The following LRP5 variants were observed in gnomAD, a reference collection of about 807,000 sequenced individuals.
LRP5 encodes the protein low-density lipoprotein receptor-related protein 5.
Under a neutral mutation model 154.1 loss-of-function variants are expected in LRP5, and 62 were observed. The observed-to-expected ratio is 0.40, with a 90% CI of 0.33 to 0.50. The LOEUF (loss-of-function observed/expected upper bound fraction) is 0.50. Among genes scored for constraint, LRP5 ranks in the 20% least tolerant of loss-of-function variants. The probability of loss-of-function intolerance (pLI) is 0.55; values close to 1 mark genes in which losing one functional copy is unlikely to be tolerated. For missense variants in LRP5, 1,915 were observed against 2,336.7 expected (o/e 0.82, Z 3.72); for synonymous variants, 966 against 1,011.5 (o/e 0.96, Z 0.85).
At chr11:68,329,953 A>G (rs560962736) in intron 1 of LRP5, among the ~76,000 whole-genome samples, 2 of 152,214 alleles carry the variant, frequency 1.3e-5, no homozygotes, top group African/African-American at 4.8e-5. Flanking sequence ...TGGCAGGTCA[A>G]ACTGGGACTC....
intron 8 of LRP5, among the ~76,000 whole-genome samples, chr11:68,405,780 A>G (rs1456523539): frequency 1.3e-5 from 2 of 152,260 alleles, no homozygotes; most frequent in Admixed American, 1.3e-4. Context: ...AACGGTCTGT[A>G]CTATGTGAAA....
chr11:68,378,521 ACC>A (rs2098638630), intron 5 of LRP5, among the ~76,000 whole-genome samples: 1 of 384 alleles, frequency 2.6e-3, no homozygotes, highest in African/African-American at 3.9e-3. Flanking sequence ...ATCCTGACCC[ACC>A]TCCCACCTCC....
intron 5 of LRP5, among the ~76,000 whole-genome samples, chr11:68,374,231 C>T (rs545669479): frequency 2.4e-4 from 36 of 152,322 alleles, no homozygotes; most frequent in African/African-American, 7.9e-4. Flanking sequence ...TCCGTCTGTC[C>T]GGGCGGATTA....
intron 12 of LRP5, among the ~76,000 whole-genome samples, chr11:68,415,035 G>A (rs1196022226): frequency 1.3e-5 from 2 of 152,226 alleles, no homozygotes; most frequent in East Asian, 1.9e-4. Flanking sequence ...CTGGTGCAAC[G>A]ACTTGGATTT....
At position 68,389,962 on chromosome 11, in the gene LRP5, C is replaced by G. The variant is rs774790391; in HGVS notation, c.1494C>G (p.Val498=). The G allele has an allele frequency of 1.9e-6, 3 of 1,614,150 alleles. No individual in the cohort carries two copies. In the East Asian group the frequency reaches 6.7e-5, roughly 36 times the overall value. The change falls in exon 7 of 23, where the codon GTC becomes GTG. Residue 498 remains valine, a synonymous_variant. Coordinates refer to ENST00000294304, the MANE Select transcript of LRP5 (RefSeq NM_002335.4). ...NLDGQERRVL[V]NASLGWPNGL... is the part of the protein sequence containing the mutation. ...ATGGGCAGGAGCGGCGTGTGCTGGT[C>G]AATGCCTCCCTCGGGTGGCCCAACG...
chr11:68,441,183 A>G (rs1419470816), intron 21 of LRP5, among the ~76,000 whole-genome samples: 4 of 152,124 alleles, frequency 2.6e-5, no homozygotes, highest in South Asian at 2.1e-4. Context: ...GGCTCAAGCA[A>G]TCCTCCCATC....
chr11:68,433,307 A>T (rs973311783), intron 17 of LRP5, among the ~76,000 whole-genome samples: 4 of 152,218 alleles, frequency 2.6e-5, no homozygotes, highest in African/African-American at 9.6e-5. Context: ...CCTGCTGCTT[A>T]AAGCTCTGAT....
chr11:68,424,265 T>G (rs1482099153), intron 14 of LRP5, among the ~76,000 whole-genome samples: 4 of 151,816 alleles, frequency 2.6e-5, no homozygotes, highest in African/African-American at 9.7e-5. Flanking sequence ...CTTCCTCAGA[T>G]AGCTGGGGGG....
intron 8 of LRP5, among the ~76,000 whole-genome samples, chr11:68,405,538 T>C (rs536549648): frequency 2.6e-5 from 4 of 151,568 alleles, no homozygotes; most frequent in Non-Finnish European, 4.4e-5. Flanking sequence ...GAGTGATTGT[T>C]CAAAGAACAA....
rs771134762 is a variant in LRP5, at chr11:68,413,801, C to G, written c.2616C>G (p.Asp872Glu). 21 of 1,613,626 alleles carry G rather than the reference C, an allele frequency of 1.3e-5. No individual in the cohort carries two copies. In the South Asian group the frequency reaches 2.1e-4, roughly 16 times the overall value. The change falls in exon 12 of 23, where the codon GAC (aspartate) becomes GAG (glutamate). Residue 872 changes from aspartate (D) to glutamate (E), a missense_variant. Asp to Glu is a conservative substitution (Grantham distance 45). This residue lies in a region of LRP5 where 1,094 missense variants were observed against 1,210.1 expected (regional missense o/e 0.90). Transcript: ENST00000294304. The surrounding 1 kb of genome is among the most constrained non-coding windows in gnomAD (Gnocchi z 5.1). ...ATCTGCACAGCATTGAGCGGGCCGA[C>G]AAGACTAGCGGCCGGAACCGCACCC... ...DWNLHSIERADKTSGRNRTLI... is the reference protein window; with the variant it reads ...DWNLHSIERAEKTSGRNRTLI...
chr11:68,443,562 TATATATATATATATATA>T (rs1451089669), intron 21 of LRP5, among the ~76,000 whole-genome samples: 7 of 34,426 alleles, frequency 2.0e-4, no homozygotes, highest in African/African-American at 5.7e-4. Context: ...TATATATATA[TATATATATATATATATA>T]TATATATTTT....
chr11:68,421,686 C>G (rs941785012), intron 13 of LRP5, among the ~76,000 whole-genome samples: 1 of 133,330 alleles, frequency 7.5e-6, no homozygotes, highest in African/African-American at 2.8e-5. Flanking sequence ...CCCAGCAAGG[C>G]TGTGTGTGTG....
At chr11:68,432,137 G>A (rs2098672294) in intron 17 of LRP5, among the ~76,000 whole-genome samples, 1 of 152,198 alleles carries the variant, frequency 6.6e-6, no homozygotes, top group Admixed American at 6.5e-5. Flanking sequence ...CGCGCCCCTG[G>A]CTCTGGCCCC....
intron 5 of LRP5, among the ~76,000 whole-genome samples, chr11:68,380,845 C>A (rs577619177): frequency 1.3e-5 from 2 of 152,366 alleles, no homozygotes; most frequent in East Asian, 3.9e-4. Flanking sequence ...GGCACACTTG[C>A]CTCTGTCCTT....
At chr11:68,348,298 C>T (rs1438015098) in intron 2 of LRP5, 55 bp downstream of exon 2, 38 of 1,593,486 alleles carry the variant, frequency 2.4e-5, no homozygotes, top group African/African-American at 1.3e-5. Context: ...GTCACCATCT[C>T]TCTCTCGAAT....
chr11:68,439,205 G>A (rs1433197595), intron 20 of LRP5, among the ~76,000 whole-genome samples: 1 of 152,182 alleles, frequency 6.6e-6, no homozygotes, highest in African/African-American at 2.4e-5. Flanking sequence ...GGGTGACCAT[G>A]GTATGTCTAA....
At chr11:68,331,991 G>A (rs542354696) in intron 1 of LRP5, among the ~76,000 whole-genome samples, 67 of 152,142 alleles carry the variant, frequency 4.4e-4, no homozygotes, top group African/African-American at 1.5e-3. Context: ...TGGGGGCCAA[G>A]CTGGAAGAGG....
At chr11:68,403,930 A>G (rs2098654111) in intron 8 of LRP5, 3 of 599,890 alleles carry the variant, frequency 5.0e-6, no homozygotes, top group South Asian at 4.0e-5. Context: ...GAAAGTGACT[A>G]ACATTTGTTG....
At chr11:68,347,657 C>A (rs2098614265) in intron 1 of LRP5, among the ~76,000 whole-genome samples, 190 bp from the exon 2 acceptor site, 1 of 152,220 alleles carries the variant, frequency 6.6e-6, no homozygotes, top group South Asian at 2.1e-4. Context: ...CTGCAGGAGC[C>A]TCTGAATGAT....
Sources: allele counts gnomAD v4.1 joint callset (sites outside exome capture counted in the v4.1 genomes callset), GRCh38; gene constraint gnomAD v4.1.1; regional missense constraint gnomAD v4.1.1; non-coding constraint Gnocchi (gnomAD v3.1); transcripts MANE v1.5; gene names NCBI Gene and HGNC (gene_info 2026-07-23, HGNC 2026-07-21).